The following NFATC4 variants were observed in gnomAD, a reference collection of about 807,000 sequenced individuals.
The protein encoded by NFATC4 is nuclear factor of activated T-cells, cytoplasmic 4.
Under a neutral mutation model 73.4 loss-of-function variants are expected in NFATC4, and 25 were observed. The observed-to-expected ratio is 0.34, with a 90% confidence interval of 0.25 to 0.48. The LOEUF (loss-of-function observed/expected upper bound fraction) is 0.48. NFATC4 is among the 20% of genes least tolerant of loss of function. The probability of loss-of-function intolerance (pLI) is 0.99; values close to 1 mark genes in which losing one functional copy is unlikely to be tolerated. For synonymous variants in NFATC4, 523 were observed against 510.3 expected, an observed-to-expected ratio of 1.02 and a Z score of -0.34; for missense variants, 1,130 against 1,203.7, an observed-to-expected ratio of 0.94 and a Z score of 0.91.
chr14:24,369,529 G>C lies in NFATC4; in HGVS notation c.131G>C (p.Cys44Ser). The C allele has an allele frequency of 6.2e-7, 1 of 1,609,974 alleles. No individual in the cohort carries two copies. Among genetic ancestry groups the C allele is most frequent in the Non-Finnish European group, 8.5e-7 (1 of 1,177,266 alleles). ...ELDSEDAPPCCRLALGEPPPY... is the reference protein window; with the variant it reads ...ELDSEDAPPCSRLALGEPPPY... ...GACTCAGAGGATGCCCCGCCATGCT[G>C]CCGTCTGGCCTTGGGAGAGCCCCCT... Residue 44 changes from cysteine to serine, a missense_variant, in exon 2 of 10, where the codon TGC becomes TCC. By Grantham distance (112) the Cys-to-Ser change is moderately radical. This residue lies in a region of NFATC4 where 585 missense variants were observed against 574.3 expected (regional missense o/e 1.02). Transcript: ENST00000250373.
chr14:24,370,300 C>T lies in NFATC4; in HGVS notation c.902C>T (p.Pro301Leu). The T allele has an allele frequency of 1.9e-6, 3 of 1,611,330 alleles. No homozygotes were observed. The highest frequency in any genetic ancestry group is 2.5e-6 in the Non-Finnish European group (3 of 1,178,210). ...GEEGSEPPPP[P>L]PLPLARDPGS... is the part of the protein sequence containing the mutation. ...GAGGGGTCTGAGCCACCTCCACCAC[C>T]CCCATTGCCTCTGGCCCGGGACCCG... Residue 301 changes from proline to leucine, a missense_variant, in exon 2 of 10, where the codon CCC becomes CTC. Transcript: ENST00000250373.
chr14:24,367,825 C>G (rs575844237), upstream of NFATC4, among the ~76,000 whole-genome samples: 3 of 152,306 alleles, frequency 2.0e-5, no homozygotes, highest in East Asian at 5.8e-4. Flanking sequence ...TCCGTGGGCT[C>G]TCTACCCTGG....
At position 24,376,635 on chromosome 14, in the gene NFATC4, T is replaced by C. The variant is rs7149586; in HGVS notation, c.2398T>C (p.Ser800Pro). 0.61 allele frequency: 980,677 copies of C among 1,613,080 alleles called. 311,818 individuals carry two copies. The highest frequency in any genetic ancestry group is 0.7 in the Middle Eastern group (4,223 of 6,058). ...DPYGGRGSSFSLGLPFSPPAP... is the reference protein window; with the variant it reads ...DPYGGRGSSFPLGLPFSPPAP... ...GTATGGAGGGCGGGGCTCCTCTTTC[T>C]CCCTGGGGCTGCCATTCTCTCCGCC... is the stretch of plus-strand genomic sequence containing the variant. Residue 800 changes from serine to proline, a missense_variant, in exon 9 of 10, where the codon TCC becomes CCC. Ser to Pro is a moderately conservative substitution (Grantham distance 74). Around this residue, in one of 3 missense-constraint regions of NFATC4, gnomAD observed 390 missense variants for 408.1 expected, o/e 0.96. Transcript: ENST00000250373. This position sits in a 1 kb window ranked among gnomAD's most constrained non-coding sequence, Gnocchi z 5.0.
In NFATC4 at chr14:24,373,972, G is replaced by C; in HGVS notation, c.1732+105G>C. 6.8e-7 allele frequency: 1 copy of C among 1,480,688 alleles called. No individual in the cohort carries two copies. The highest frequency in any genetic ancestry group is 9.3e-7 in the Non-Finnish European group (1 of 1,079,600). 91.7% of individuals were successfully genotyped at this position (1,480,688 alleles called of 1,614,324 possible). A position where few individuals can be genotyped will look rare whatever the true frequency, so the allele number is the denominator to read the frequency against. On this transcript the variant is annotated intron_variant, in intron 5 of 9. Transcript: ENST00000250373. This position sits in a 1 kb window ranked among gnomAD's most constrained non-coding sequence, Gnocchi z 4.7. ...CTCTGCAGCGTCCTGTGCCCTGTCT[G>C]TCCTGGGTAGCTCTATAGAGGACTC...
In NFATC4 at chr14:24,376,905, TGTGA is replaced by T. The variant is rs1263193306; in HGVS notation, c.2641+31_2641+34del. 3 of 1,515,534 alleles carry T rather than the reference TGTGA, an allele frequency of 2.0e-6. No homozygotes were observed. Among genetic ancestry groups the T allele is most frequent in the African/African-American group, 2.8e-5 (2 of 71,268 alleles). The allele number at this position is 1,515,534 out of a possible 1,614,324, so 93.9% of individuals were successfully genotyped here. A position where few individuals can be genotyped will look rare whatever the true frequency, so the allele number is the denominator to read the frequency against. ...TGGGTGTGGGACTGGGGGCTGTGAG[TGTGA>T]GTGTGTGCAAGAGATTGCTCTGCAT... On this transcript the variant is annotated intron_variant, in intron 9 of 9. Transcript: ENST00000250373. This position sits in a 1 kb window ranked among gnomAD's most constrained non-coding sequence, Gnocchi z 5.0.
chr14:24,367,474 G>A, upstream of NFATC4: 1 of 1,535,672 alleles, frequency 6.5e-7, no homozygotes, highest in Non-Finnish European at 8.7e-7. Context: ...CTGGATCTAC[G>A]CCCATCAAGG....
intron 1 of NFATC4, chr14:24,369,069 C>T (rs1205603018): frequency 3.5e-6 from 5 of 1,409,222 alleles, no homozygotes; most frequent in Middle Eastern, 2.6e-4. Flanking sequence ...TGACGCCCCC[C>T]TCCCCTCTGG....
Position 24,376,362 on chromosome 14 carries a change from T to G in NFATC4, c.2125T>G (p.Phe709Val), listed in dbSNP as rs770843473. Residue 709 changes from phenylalanine (F) to valine (V), a missense_variant, in exon 9 of 10, where the codon TTT (phenylalanine) becomes GTT (valine). By Grantham distance (50) the Phe-to-Val change is conservative (BLOSUM62 -1). Around this residue, in one of 3 missense-constraint regions of NFATC4, gnomAD observed 390 missense variants for 408.1 expected, o/e 0.96. Transcript: ENST00000250373. This position sits in a 1 kb window ranked among gnomAD's most constrained non-coding sequence, Gnocchi z 5.0. Reference protein sequence around the residue: ...RGFPSASATPFGTDMDFSPPR... With the variant: ...RGFPSASATPVGTDMDFSPPR... Reference sequence around the variant, plus strand: ...TTTCCCTTCAGCATCGGCAACCCCCTTTGGCACTGACATGGACTTCTCACC... The same window carrying G: ...TTTCCCTTCAGCATCGGCAACCCCCGTTGGCACTGACATGGACTTCTCACC... 15 of 1,609,952 alleles carry G rather than the reference T, an allele frequency of 9.3e-6. No individual in the cohort carries two copies. The highest frequency in any genetic ancestry group is 1.3e-5 in the Non-Finnish European group (15 of 1,177,946).
At position 24,376,497 on chromosome 14, in the gene NFATC4, C is replaced by A. The variant is rs748167627; in HGVS notation, c.2260C>A (p.Pro754Thr). 1 of 1,613,602 alleles carries A rather than the reference C, an allele frequency of 6.2e-7. No homozygotes were observed. The highest frequency in any genetic ancestry group is 8.5e-7 in the Non-Finnish European group (1 of 1,179,758). ...GMPPLYPQTGPPPSYRPGLRM... is the reference protein window; with the variant it reads ...GMPPLYPQTGTPPSYRPGLRM... Reference sequence around the variant, plus strand: ...GCCCCCTCTGTACCCCCAGACGGGGCCCCCACCATCCTACAGACCGGGCCT... The same window carrying A: ...GCCCCCTCTGTACCCCCAGACGGGGACCCCACCATCCTACAGACCGGGCCT... Residue 754 changes from proline to threonine, a missense_variant, in exon 9 of 10, where the codon CCC becomes ACC. Physicochemically the swap from Pro to Thr is conservative, Grantham distance 38. This residue lies in a region of NFATC4 where 390 missense variants were observed against 408.1 expected (regional missense o/e 0.96). Transcript: ENST00000250373. The surrounding 1 kb of genome is among the most constrained non-coding windows in gnomAD (Gnocchi z 5.0).
Position 24,373,133 on chromosome 14 carries a change from G to C in NFATC4, c.1360-38G>C. ...GGGATGAATAAAGGATGAGACGGTG[G>C]GGATTTCAATGAGGTGGCCGCTCTC... is the stretch of plus-strand genomic sequence containing the variant. On this transcript the variant is annotated intron_variant, in intron 3 of 9. Transcript: ENST00000250373. This position sits in a 1 kb window ranked among gnomAD's most constrained non-coding sequence, Gnocchi z 4.7. The C allele has an allele frequency of 6.3e-7, 1 of 1,592,932 alleles. No homozygotes were observed. Among genetic ancestry groups the C allele is most frequent in the Non-Finnish European group, 8.6e-7 (1 of 1,161,796 alleles).
upstream of NFATC4, chr14:24,367,446 G>C: frequency 6.5e-7 from 1 of 1,535,746 alleles, no homozygotes; most frequent in Admixed American, 2.0e-5. Flanking sequence ...TGGGACAAGG[G>C]CAGCGGCAAA....
In NFATC4 at chr14:24,369,686, A is replaced by G; in HGVS notation, c.288A>G (p.Gly96=). The change falls in exon 2 of 10, where the codon GGA becomes GGG. Residue 96 remains glycine, a synonymous_variant. Transcript: ENST00000250373. The part of the protein sequence containing the change: ...ESQPARSVRL[G]GPGGGAGGAG... ...AGCCCGCCAGGTCGGTGAGGCTGGG[A>G]GGACCAGGAGGGGGTGCTGGGGGTG... 6.2e-7 allele frequency: 1 copy of G among 1,612,044 alleles called. No individual in the cohort carries two copies. Among genetic ancestry groups the G allele is most frequent in the Non-Finnish European group, 8.5e-7 (1 of 1,178,936 alleles).
At chr14:24,368,642 G>C (rs1456930556) in intron 1 of NFATC4, among the ~76,000 whole-genome samples, 1 of 150,876 alleles carries the variant, frequency 6.6e-6, no homozygotes, top group Admixed American at 6.6e-5. Flanking sequence ...TGACTGGGGT[G>C]GGGGTGGGGG....
intron 2 of NFATC4, chr14:24,372,231 T>C (rs1345868627): frequency 6.9e-6 from 4 of 575,966 alleles, no homozygotes; most frequent in East Asian, 6.0e-5. Context: ...CCCTTGCTTC[T>C]GGACTTTTGG....
rs771245272 is a variant in NFATC4 at position 24,370,097 on chromosome 14, G to A, written c.699G>A (p.Leu233=). Residue 233 remains leucine, a synonymous_variant, in exon 2 of 10, where the codon CTG becomes CTA. Transcript: ENST00000250373. ...RPWTPEDPWS[L]YGPSPGGRGP... ...GGACCCCCGAAGATCCCTGGAGCCT[G>A]TATGGTCCAAGCCCCGGAGGCCGAG... 6.2e-7 allele frequency: 1 copy of A among 1,604,652 alleles called. No individual in the cohort carries two copies. Among genetic ancestry groups the A allele is most frequent in the South Asian group, 1.1e-5 (1 of 91,040 alleles).
In NFATC4 at chr14:24,373,631, T is replaced by C; in HGVS notation, c.1560-64T>C. The stretch of plus-strand genomic sequence containing the variant: ...TGGATGGAGGGCGGGAACTTCCCTC[T>C]TTAGGGATGTATCACCATTTTGGCT... On this transcript the variant is annotated intron_variant, in intron 4 of 9. Transcript: ENST00000250373. The surrounding 1 kb of genome is among the most constrained non-coding windows in gnomAD (Gnocchi z 4.7). The C allele has an allele frequency of 6.4e-7, 1 of 1,558,970 alleles. No homozygotes were observed. Among genetic ancestry groups the C allele is most frequent in the Non-Finnish European group, 8.7e-7 (1 of 1,149,764 alleles).
Position 24,373,138 on chromosome 14 carries a change from T to G in NFATC4, c.1360-33T>G. On this transcript the variant is annotated intron_variant, in intron 3 of 9. Coordinates refer to ENST00000250373, the MANE Select transcript of NFATC4 (RefSeq NM_004554.5). This position sits in a 1 kb window ranked among gnomAD's most constrained non-coding sequence, Gnocchi z 4.7. ...GAATAAAGGATGAGACGGTGGGGAT[T>G]TCAATGAGGTGGCCGCTCTCTCCCT... The G allele has an allele frequency of 6.2e-7, 1 of 1,604,122 alleles. No homozygotes were observed. The highest frequency in any genetic ancestry group is 1.1e-5 in the South Asian group (1 of 90,744).
At chr14:24,369,288 A>G in intron 1 of NFATC4, 1 of 1,559,154 alleles carries the variant, frequency 6.4e-7, no homozygotes. Flanking sequence ...CCTAGGATCC[A>G]GGGGCCAGTG....
Position 24,370,548 on chromosome 14 carries a change from C to T in NFATC4, c.1150C>T (p.Leu384Phe). ...GGACTACCTGGCAGTGCCCTCCCCA[C>T]TCGCTTGGTCCAAGGCCCGGATTGG... ...GMDYLAVPSP[L>F]AWSKARIGGH... is the part of the protein sequence containing the mutation. The change falls in exon 2 of 10, where the codon CTC (leucine) becomes TTC (phenylalanine). Residue 384 changes from leucine (L) to phenylalanine (F), a missense_variant. By Grantham distance (22) the Leu-to-Phe change is conservative. Around this residue, in one of 3 missense-constraint regions of NFATC4, gnomAD observed 585 missense variants for 574.3 expected, o/e 1.02. Transcript: ENST00000250373. 6.2e-7 allele frequency: 1 copy of T among 1,613,674 alleles called. No individual in the cohort carries two copies. Among genetic ancestry groups the T allele is most frequent in the Non-Finnish European group, 8.5e-7 (1 of 1,179,616 alleles).
Sources: gnomAD v4.1 joint callset for allele counts (sites outside exome capture counted in the v4.1 genomes callset) on GRCh38, gnomAD v4.1.1 for gene constraint, gnomAD v4.1.1 regional missense constraint, Gnocchi (gnomAD v3.1) non-coding constraint, MANE v1.5 for transcripts, NCBI Gene and HGNC (gene_info 2026-07-23, HGNC 2026-07-21) for gene names.